TP53BP1: variants seen among roughly 807,000 people sequenced by gnomAD.
TP53BP1 encodes the protein TP53-binding protein 1.
A neutral mutation model predicts 200.8 loss-of-function variants in TP53BP1; 61 were observed. The ratio of observed to expected loss-of-function variants is 0.30; its 90% CI spans 0.25 to 0.38. The LOEUF is 0.38. TP53BP1 is among the 10% of genes least tolerant of loss of function. TP53BP1 has a pLI of 1.00. For missense variants in TP53BP1, 2,144 were observed against 2,371.9 expected (o/e 0.90, Z 2.00); for synonymous variants, 822 against 844.3 (o/e 0.97, Z 0.46).
At chr15:43,466,122 G>A (rs2046574367) in intron 11 of TP53BP1, among the ~76,000 whole-genome samples, 2 of 152,300 alleles carry the variant, frequency 1.3e-5, no homozygotes, top group East Asian at 1.9e-4. Flanking sequence ...CCACCAAAAT[G>A]AGGGAGTAAA....
At chr15:43,484,742 C>T (rs1158158720) in intron 4 of TP53BP1, among the ~76,000 whole-genome samples, 1 of 145,192 alleles carries the variant, frequency 6.9e-6, no homozygotes, top group Non-Finnish European at 1.5e-5. Flanking sequence ...CAAATACACA[C>T]TTACTTGTTT....
exon 1 of TP53BP1, chr15:43,510,520 A>AC (rs901804955): frequency 3.2e-5 from 5 of 156,344 alleles, no homozygotes; most frequent in South Asian, 1.8e-4. Context: ...AAAAAAAAAA[A>AC]AAAACACGCC....
chr15:43,420,754 TAGG>T lies in TP53BP1; in HGVS notation c.4251-22_4251-20del, dbSNP rs1287776476. 11 of 1,600,468 alleles carry T rather than the reference TAGG, an allele frequency of 6.9e-6. No homozygotes were observed. The highest frequency in any genetic ancestry group is 1.7e-5 in the Admixed American group (1 of 58,126). On this transcript the variant is annotated intron_variant, in intron 20 of 27. Transcript: ENST00000382044. The stretch of plus-strand genomic sequence containing the variant: ...TGTTTCTCTAAAGAGAGATAGGGGA[TAGG>T]AGAAGCCGGTGAGAACAAGAACACA...
intron 23 of TP53BP1, 108 bp downstream of exon 23, chr15:43,415,486 T>C (rs778172865): frequency 7.5e-6 from 9 of 1,207,482 alleles, no homozygotes; most frequent in South Asian, 1.2e-5. Flanking sequence ...CCCGACTTTA[T>C]AGCAGGACAG....
At position 43,432,149 on chromosome 15, in the gene TP53BP1, A is replaced by G. The variant is rs759599574; in HGVS notation, c.3675+45T>C. The G allele has an allele frequency of 1.1e-5, 17 of 1,562,300 alleles. 1 individual carries two copies. In the South Asian group the frequency reaches 1.8e-4, roughly 17 times the overall value. ...AACTTAAATTCTCTGAGAATCCTGA[A>G]AGTTAAAAACAAGGCCTCTGATGCA... is the stretch of plus-strand genomic sequence containing the variant. On this transcript the variant is annotated intron_variant, in intron 17 of 27. Transcript: ENST00000382044.
At position 43,432,228 on chromosome 15, in the gene TP53BP1, G is replaced by A; in HGVS notation, c.3641C>T (p.Ala1214Val). Residue 1214 changes from alanine to valine, a missense_variant, in exon 17 of 28, where the codon GCT becomes GTT. Around this residue, in one of 4 missense-constraint regions of TP53BP1, gnomAD observed 1,700 missense variants for 1,710.3 expected, o/e 0.99. Coordinates refer to ENST00000382044, the MANE Select transcript of TP53BP1 (RefSeq NM_001141980.3). ...GAGCGACTCTGTATCATCCCCAGGA[G>A]CACTGACTGGTTTCTCACCACTCCC... ...ERGSGEKPVS[A>V]PGDDTESLHS... 1 of 1,614,114 alleles carries A rather than the reference G, an allele frequency of 6.2e-7. No individual in the cohort carries two copies. Among genetic ancestry groups the A allele is most frequent in the African/African-American group, 1.3e-5 (1 of 75,036 alleles).
At position 43,479,386 on chromosome 15, in the gene TP53BP1, G is replaced by T; in HGVS notation, c.788+11C>A. ...AAAACTCGTAAATCCTTTTTAGAAA[G>T]TTCGGCTTACCTTGCAGGTGGTGGA... On this transcript the variant is annotated intron_variant, in intron 7 of 27. Coordinates refer to ENST00000382044, the MANE Select transcript of TP53BP1 (RefSeq NM_001141980.3). 1.9e-6 allele frequency: 3 copies of T among 1,588,646 alleles called. No individual in the cohort carries two copies. The highest frequency in any genetic ancestry group is 2.6e-6 in the Non-Finnish European group (3 of 1,168,684).
At chr15:43,445,371 C>T (rs2046017736) in intron 14 of TP53BP1, among the ~76,000 whole-genome samples, 1 of 152,190 alleles carries the variant, frequency 6.6e-6, no homozygotes, top group South Asian at 2.1e-4. Flanking sequence ...TCCCCATAGG[C>T]TTCCATGGCT....
At position 43,413,097 on chromosome 15, in the gene TP53BP1, C is replaced by T. The variant is rs1356719577; in HGVS notation, c.5305+22G>A. ...AAGAAGTGCCTATGTGTCAGAGCTC[C>T]CAGGGCTTCCTAAGGCCTTACCCTC... is the stretch of plus-strand genomic sequence containing the variant. On this transcript the variant is annotated intron_variant, in intron 24 of 27. Coordinates refer to ENST00000382044, the MANE Select transcript of TP53BP1 (RefSeq NM_001141980.3). 3.7e-6 allele frequency: 6 copies of T among 1,612,734 alleles called. No homozygotes were observed. In the South Asian group the frequency reaches 6.6e-5, roughly 18 times the overall value.
intron 18 of TP53BP1, among the ~76,000 whole-genome samples, chr15:43,423,159 C>G (rs977982097): frequency 1.4e-5 from 2 of 147,930 alleles, no homozygotes; most frequent in Admixed American, 6.8e-5. Context: ...TTTTAAGAAG[C>G]CTTCTGGAGG....
chr15:43,408,229 G>A (rs45585139), intron 26 of TP53BP1, 141 bp from the exon 27 acceptor site: 111,692 of 876,330 alleles, frequency 0.13, 9,732 homozygotes, highest in African/African-American at 0.34. Context: ...TGTAATCCCA[G>A]CACTTTGGGA....
chr15:43,492,912 C>T, intron 1 of TP53BP1, 125 bp downstream of exon 1: 2 of 1,230,636 alleles, frequency 1.6e-6, no homozygotes, highest in Non-Finnish European at 2.3e-6. Context: ...CCTTAGGGCC[C>T]TCCAACCCCT....
Position 43,404,363 on chromosome 15 carries a change from G to T in TP53BP1, c.*3020C>A, listed in dbSNP as rs1217960070. ...TCCCTCCGCCCCCATCCTCCATATGGAGAGTTGGTGAGCTGAAGTGGAATG... is the reference window on the plus strand; with the variant it reads ...TCCCTCCGCCCCCATCCTCCATATGTAGAGTTGGTGAGCTGAAGTGGAATG... On this transcript the variant is annotated 3_prime_UTR_variant, in exon 28 of 28. Coordinates refer to ENST00000382044, the MANE Select transcript of TP53BP1 (RefSeq NM_001141980.3). 1.2e-6 allele frequency: 2 copies of T among 1,609,074 alleles called. No individual in the cohort carries two copies. Among genetic ancestry groups the T allele is most frequent in the Non-Finnish European group, 1.7e-6 (2 of 1,176,988 alleles).
At chr15:43,474,551 T>A (rs2046809670) in intron 10 of TP53BP1, 122 bp downstream of exon 10, 1 of 575,328 alleles carries the variant, frequency 1.7e-6, no homozygotes, top group South Asian at 2.6e-5. Flanking sequence ...CAAACATGAG[T>A]CCTACCGAAT....
At chr15:43,433,224 T>C (rs530843062) in intron 16 of TP53BP1, among the ~76,000 whole-genome samples, 2 of 152,304 alleles carry the variant, frequency 1.3e-5, no homozygotes, top group South Asian at 2.1e-4. Context: ...TTTTGTCAGC[T>C]ATACTGATAT....
chr15:43,457,671 CAAAAAAAAAA>C lies in TP53BP1; in HGVS notation c.1390-463_1390-454del, dbSNP rs56866996. ...TGGGTGACGGAGTGAGACTCCATCT[CAAAAAAAAAA>C]AAAAAAAAAAAAAAAAAAAAAGCTA... is the stretch of plus-strand genomic sequence containing the variant. On this transcript the variant is annotated intron_variant, in intron 11 of 27. Coordinates refer to ENST00000382044, the MANE Select transcript of TP53BP1 (RefSeq NM_001141980.3). 1.6e-4 allele frequency among the ~76,000 whole-genome samples: 3 copies of C among 19,108 alleles called. No individual in the cohort carries two copies. In the Admixed American group the frequency reaches 3.2e-3, roughly 20 times the overall value. The allele number at this position is 19,108 out of a possible 152,430, so 12.5% of individuals were successfully genotyped here.
At chr15:43,481,643 C>A (rs1595614348) in intron 4 of TP53BP1, among the ~76,000 whole-genome samples, 1 of 151,048 alleles carries the variant, frequency 6.6e-6, no homozygotes, top group African/African-American at 2.4e-5. Flanking sequence ...GGTGAAACCC[C>A]GTCTCTACTA....
intron 4 of TP53BP1, among the ~76,000 whole-genome samples, chr15:43,484,320 A>G (rs2079016083): frequency 6.6e-6 from 1 of 152,156 alleles, no homozygotes; most frequent in Non-Finnish European, 1.5e-5. Flanking sequence ...GAATCTCACC[A>G]TTCTTCATCT....
At position 43,432,185 on chromosome 15, in the gene TP53BP1, T is replaced by C. The variant is rs772527516; in HGVS notation, c.3675+9A>G. ...AAGGCCTCTGATGCACCCTAGTATG[T>C]TCTCTCACCTGGCTATGGAGCGACT... On this transcript the variant is annotated intron_variant, in intron 17 of 27. Transcript: ENST00000382044. 1.2e-6 allele frequency: 2 copies of C among 1,611,814 alleles called. No individual in the cohort carries two copies. Among genetic ancestry groups the C allele is most frequent in the Non-Finnish European group, 8.5e-7 (1 of 1,178,678 alleles).
Sources: allele counts gnomAD v4.1 joint callset (sites outside exome capture counted in the v4.1 genomes callset), GRCh38; gene constraint gnomAD v4.1.1; regional missense constraint gnomAD v4.1.1; transcripts MANE v1.5; gene names NCBI Gene and HGNC (gene_info 2026-07-23, HGNC 2026-07-21).